ALK: variants seen among roughly 807,000 people sequenced by gnomAD.
ALK encodes the protein ALK tyrosine kinase receptor.
ALK carries 74 observed loss-of-function variants against 163.1 expected under a neutral mutation model. That is an observed-to-expected ratio of 0.45 (90% CI 0.38 to 0.55). The LOEUF (loss-of-function observed/expected upper bound fraction) is 0.55, where lower values mean the gene tolerates loss of function less well. Ranked by LOEUF, ALK falls within the 20% of genes least tolerant of loss-of-function variation. ALK has a pLI of 0.00. For synonymous variants in ALK, 960 were observed against 843.2 expected, an observed-to-expected ratio of 1.14 and a Z score of -2.40; for missense variants, 2,063 against 2,105.3, an observed-to-expected ratio of 0.98 and a Z score of 0.39.
At chr2:29,854,195 G>A (rs764784650) in intron 1 of ALK, among the ~76,000 whole-genome samples, 18 of 80,902 alleles carry the variant, frequency 2.2e-4, no homozygotes, top group Non-Finnish European at 4.8e-4. Flanking sequence ...CTACGTTAAC[G>A]TTCCCTGTAT....
chr2:29,574,101 C>T (rs768522423), intron 3 of ALK, among the ~76,000 whole-genome samples: 10 of 152,192 alleles, frequency 6.6e-5, no homozygotes, highest in South Asian at 2.1e-4. Flanking sequence ...TTACTGATGC[C>T]GGAGCAGAAC....
chr2:29,560,123 T>C (rs940136691), intron 3 of ALK, among the ~76,000 whole-genome samples: 3 of 152,208 alleles, frequency 2.0e-5, no homozygotes, highest in African/African-American at 7.2e-5. Context: ...TGAAAACATA[T>C]GTCTACATAA....
At chr2:29,474,201 A>T (rs4340463) in intron 4 of ALK, among the ~76,000 whole-genome samples, 1 of 152,110 alleles carries the variant, frequency 6.6e-6, no homozygotes, top group Non-Finnish European at 1.5e-5. Flanking sequence ...TGCTACATAC[A>T]ACTAAACAGG....
chr2:29,193,509 C>CTCCTTCTTTGCTATAGGA lies in ALK; in HGVS notation c.4560_4577dup (p.Lys1525_Glu1526insAspProIleAlaLysLys), dbSNP rs780241185. The CTCCTTCTTTGCTATAGGA allele has an allele frequency of 1.9e-6, 3 of 1,614,084 alleles. No individual in the cohort carries two copies. Among genetic ancestry groups the CTCCTTCTTTGCTATAGGA allele is most frequent in the Non-Finnish European group, 2.5e-6 (3 of 1,180,050 alleles). On this transcript the variant is annotated inframe_insertion, in exon 29 of 29. Transcript: ENST00000389048. ...GCCCCAGGTTACCCCTGTCGTGTGG[C>CTCCTTCTTTGCTATAGGA]TCCTTCTTTGCTATAGGATTATTCT...
intron 3 of ALK, among the ~76,000 whole-genome samples, chr2:29,603,254 G>A (rs1159138023): frequency 6.6e-6 from 1 of 152,282 alleles, no homozygotes; most frequent in East Asian, 1.9e-4. Context: ...AGCTAATCTT[G>A]TCAGGATCAG....
chr2:29,203,512 T>G (rs1266114637), intron 26 of ALK, among the ~76,000 whole-genome samples: 21 of 127,708 alleles, frequency 1.6e-4, no homozygotes, highest in Admixed American at 4.0e-4. Flanking sequence ...TTTTTTTTTT[T>G]GTGAGACAGA....
At chr2:29,538,379 A>G (rs1359317931) in intron 3 of ALK, among the ~76,000 whole-genome samples, 1 of 152,022 alleles carries the variant, frequency 6.6e-6, no homozygotes, top group African/African-American at 2.4e-5. Flanking sequence ...TAGTTATGTG[A>G]GATCTGGTTG....
intron 23 of ALK, among the ~76,000 whole-genome samples, chr2:29,219,279 T>C (rs1471816694): frequency 6.6e-6 from 1 of 152,186 alleles, no homozygotes; most frequent in East Asian, 1.9e-4. Context: ...CACAAATTCC[T>C]CTTCTCAAGG....
At chr2:29,394,880 T>C (rs1045866536) in intron 4 of ALK, among the ~76,000 whole-genome samples, 8 of 152,200 alleles carry the variant, frequency 5.3e-5, no homozygotes, top group Admixed American at 2.6e-4. Context: ...GTTTTTTTTT[T>C]TTCTTCAATA....
chr2:29,241,362 A>G (rs943938432), intron 12 of ALK, among the ~76,000 whole-genome samples: 15 of 151,998 alleles, frequency 9.9e-5, no homozygotes, highest in African/African-American at 3.4e-4. Context: ...CTAGTAAGAG[A>G]AGAATCATTT....
chr2:29,282,295 C>G (rs929887973), intron 9 of ALK, among the ~76,000 whole-genome samples: 2 of 152,114 alleles, frequency 1.3e-5, no homozygotes, highest in Admixed American at 1.3e-4. Context: ...AAGCTTGGGT[C>G]GCAGTAGGCA....
At chr2:29,416,543 A>G (rs2148326275) in intron 4 of ALK, among the ~76,000 whole-genome samples, 1 of 152,336 alleles carries the variant, frequency 6.6e-6, no homozygotes, top group African/African-American at 2.4e-5. Context: ...ATGTTTCCAT[A>G]AAAATCATTA....
At chr2:29,656,743 G>A (rs1458958634) in intron 3 of ALK, among the ~76,000 whole-genome samples, 1 of 152,092 alleles carries the variant, frequency 6.6e-6, no homozygotes, top group Non-Finnish European at 1.5e-5. Context: ...GAGAGACTCA[G>A]AATCCAATGA....
At chr2:29,826,295 T>C (rs865900146) in intron 1 of ALK, among the ~76,000 whole-genome samples, 3 of 152,028 alleles carry the variant, frequency 2.0e-5, no homozygotes, top group African/African-American at 4.8e-5. Context: ...CTTTTTTGTG[T>C]GTGAAAAATC....
chr2:29,218,823 G>A (rs1669708380), intron 23 of ALK, among the ~76,000 whole-genome samples: 1 of 152,274 alleles, frequency 6.6e-6, no homozygotes, highest in Admixed American at 6.5e-5. Flanking sequence ...CTCAGGGCAT[G>A]AGGGCCAAAG....
chr2:29,489,555 C>T (rs765259825), intron 4 of ALK, among the ~76,000 whole-genome samples: 6 of 152,202 alleles, frequency 3.9e-5, no homozygotes, highest in Non-Finnish European at 8.8e-5. Flanking sequence ...CCACATTGGC[C>T]TCCCAAAGTA....
chr2:29,440,610 C>A (rs1470515177), intron 4 of ALK, among the ~76,000 whole-genome samples: 1 of 152,200 alleles, frequency 6.6e-6, no homozygotes, highest in Non-Finnish European at 1.5e-5. Flanking sequence ...AGCCACAGTG[C>A]CTGGCTGATG....
intron 3 of ALK, among the ~76,000 whole-genome samples, chr2:29,621,032 A>T (rs1465517875): frequency 1.3e-5 from 2 of 152,182 alleles, no homozygotes; most frequent in Non-Finnish European, 1.5e-5. Context: ...AGGAAATTTC[A>T]TCTCAGGTGG....
chr2:29,538,375 T>C (rs1293070729), intron 3 of ALK, among the ~76,000 whole-genome samples: 1 of 152,188 alleles, frequency 6.6e-6, no homozygotes, highest in East Asian at 1.9e-4. Flanking sequence ...CAGTTAGTTA[T>C]GTGAGATCTG....
Sources: allele counts gnomAD v4.1 joint callset (sites outside exome capture counted in the v4.1 genomes callset), GRCh38; gene constraint gnomAD v4.1.1; transcripts MANE v1.5; gene names NCBI Gene and HGNC (gene_info 2026-07-23, HGNC 2026-07-21).